TRIM24: variants seen among roughly 807,000 people sequenced by gnomAD.
TRIM24 encodes transcription intermediary factor 1-alpha.
Under a neutral mutation model 123.9 loss-of-function variants are expected in TRIM24, and 29 were observed. That is an observed-to-expected ratio of 0.23 (90% CI 0.17 to 0.32). The LOEUF (loss-of-function observed/expected upper bound fraction) is 0.32, where lower values mean the gene tolerates loss of function less well. Among genes scored for constraint, TRIM24 ranks in the 10% least tolerant of loss-of-function variants. TRIM24 has a pLI of 1.00. For missense variants in TRIM24, 932 were observed against 1,295.3 expected (o/e 0.72, Z 4.31); for synonymous variants, 456 against 461.1 (o/e 0.99, Z 0.14).
intron 1 of TRIM24, among the ~76,000 whole-genome samples, chr7:138,502,940 C>T (rs959885087): frequency 1.3e-5 from 2 of 151,934 alleles, no homozygotes; most frequent in African/African-American, 4.8e-5. Flanking sequence ...ATTTGTATTC[C>T]AAGATCACAA....
chr7:138,566,810 G>A (rs1415152190), intron 9 of TRIM24, among the ~76,000 whole-genome samples: 1 of 152,074 alleles, frequency 6.6e-6, no homozygotes, highest in Non-Finnish European at 1.5e-5. Context: ...AACTTACTAA[G>A]TGTTACTAAT....
At chr7:138,476,235 C>G (rs1038363770) in intron 1 of TRIM24, among the ~76,000 whole-genome samples, 3 of 152,180 alleles carry the variant, frequency 2.0e-5, no homozygotes, top group Admixed American at 1.3e-4. Flanking sequence ...AGAGAATATA[C>G]ATTTTTGTAA....
chr7:138,477,707 T>A (rs527823087), intron 1 of TRIM24, among the ~76,000 whole-genome samples: 2 of 152,180 alleles, frequency 1.3e-5, no homozygotes, highest in Admixed American at 6.5e-5. Flanking sequence ...TCAGGTTTCA[T>A]GTGAGGTAAA....
intron 1 of TRIM24, among the ~76,000 whole-genome samples, chr7:138,473,288 G>A (rs1563023106): frequency 6.6e-6 from 1 of 152,078 alleles, no homozygotes; most frequent in Admixed American, 6.6e-5. Flanking sequence ...TCAAAAAAAT[G>A]ATAATAATAA....
intron 1 of TRIM24, among the ~76,000 whole-genome samples, chr7:138,477,693 C>T (rs1368095985): frequency 6.6e-6 from 1 of 152,164 alleles, no homozygotes; most frequent in African/African-American, 2.4e-5. Flanking sequence ...TATTTTGAAA[C>T]TATTCAGGTT....
rs371442543 is a variant in TRIM24, at chr7:138,532,487, G to T, written c.996+3257G>T. 5.8e-4 allele frequency among the ~76,000 whole-genome samples: 89 copies of T among 152,272 alleles called. No individual in the cohort carries two copies. In the East Asian group the frequency reaches 0.017, roughly 29 times the overall value. On this transcript the variant is annotated intron_variant, in intron 6 of 18. Transcript: ENST00000343526. ...TTGAATAGGGAATCCTTTCCCCATT[G>T]CTTGTTTTTGTCAGGTTTGTCAAAG...
chr7:138,556,931 C>T (rs1258777435), intron 9 of TRIM24, among the ~76,000 whole-genome samples: 12 of 152,318 alleles, frequency 7.9e-5, no homozygotes, highest in Non-Finnish European at 1.0e-4. Context: ...GCACAAAACT[C>T]GTGGTACAGG....
At chr7:138,513,036 T>G (rs1051632639) in intron 2 of TRIM24, among the ~76,000 whole-genome samples, 1 of 152,172 alleles carries the variant, frequency 6.6e-6, no homozygotes, top group Non-Finnish European at 1.5e-5. Context: ...AAATAATCTC[T>G]CAGATTCAGA....
At position 138,497,357 on chromosome 7, in the gene TRIM24, C is replaced by T. The variant is rs549704816; in HGVS notation, c.365-6933C>T. Among the ~76,000 whole-genome samples the T allele has an allele frequency of 6.0e-5, 9 of 150,742 alleles. No homozygotes were observed. The East Asian group carries it at 9.7e-4, about 16-fold the overall frequency. Reference sequence around the variant, plus strand: ...TGCCAGTATTACAGGTGTGAGCCACCGCGCCTGGCCGATGGGAAGGTTTCA... The same window carrying T: ...TGCCAGTATTACAGGTGTGAGCCACTGCGCCTGGCCGATGGGAAGGTTTCA... On this transcript the variant is annotated intron_variant, in intron 1 of 18. Transcript: ENST00000343526.
intron 14 of TRIM24, among the ~76,000 whole-genome samples, chr7:138,578,563 T>TGCGTGCGCGC (rs1554445379): frequency 1.9e-4 from 28 of 145,088 alleles, no homozygotes; most frequent in Non-Finnish European, 3.5e-4. Context: ...TGTGTGTGTG[T>TGCGTGCGCGC]GCGCGCACGC....
At chr7:138,497,442 C>T (rs1056555238) in intron 1 of TRIM24, among the ~76,000 whole-genome samples, 1 of 145,806 alleles carries the variant, frequency 6.9e-6, no homozygotes, top group Non-Finnish European at 1.5e-5. Context: ...GCTCTGTCTC[C>T]CAGGCTGGAG....
In TRIM24 at chr7:138,580,811, A is replaced by AT. The variant is rs879618547; in HGVS notation, c.2718+126dup. The AT allele has an allele frequency of 2.6e-3, 2,600 of 984,112 alleles. 8 individuals carry two copies. The highest frequency in any genetic ancestry group is 0.017 in the African/African-American group (992 of 59,804). 61.0% of individuals were successfully genotyped at this position (984,112 alleles called of 1,614,324 possible). A position where few individuals can be genotyped will look rare whatever the true frequency, so the allele number is the denominator to read the frequency against. On this transcript the variant is annotated intron_variant, in intron 16 of 18. Coordinates refer to ENST00000343526, the MANE Select transcript of TRIM24 (RefSeq NM_015905.3). ...ATACTGATCCTTTTTATTTAAGAGT[A>AT]TTTTTTTTTGTTTACAAAGGTACAT...
At chr7:138,533,296 G>A (rs911358596) in intron 6 of TRIM24, among the ~76,000 whole-genome samples, 77 of 152,280 alleles carry the variant, frequency 5.1e-4, no homozygotes, top group African/African-American at 1.8e-3. Flanking sequence ...TCTTGTGCCA[G>A]TTTTCAAAGG....
At chr7:138,573,914 T>G (rs990371893) in intron 12 of TRIM24, among the ~76,000 whole-genome samples, 5 of 152,156 alleles carry the variant, frequency 3.3e-5, no homozygotes, top group African/African-American at 1.2e-4. Flanking sequence ...ATCTCCCACC[T>G]CAGCCTCCTG....
chr7:138,497,346 G>A (rs897321067), intron 1 of TRIM24, among the ~76,000 whole-genome samples: 1 of 150,458 alleles, frequency 6.6e-6, no homozygotes, highest in Non-Finnish European at 1.5e-5. Context: ...AGTATTACAG[G>A]TGTGAGCCAC....
chr7:138,514,001 A>C (rs1796342281), intron 2 of TRIM24, among the ~76,000 whole-genome samples: 1 of 152,224 alleles, frequency 6.6e-6, no homozygotes, highest in Non-Finnish European at 1.5e-5. Context: ...CACAGTGACA[A>C]TCAGGTGAGA....
intron 2 of TRIM24, among the ~76,000 whole-genome samples, chr7:138,505,504 G>GT (rs1199586825): frequency 1.1e-4 from 15 of 137,716 alleles, no homozygotes; most frequent in African/African-American, 1.7e-4. Context: ...TTTTTTGGGG[G>GT]TGGTGGTTGT....
intron 1 of TRIM24, among the ~76,000 whole-genome samples, chr7:138,464,666 A>G (rs1795094282): frequency 6.6e-6 from 1 of 151,944 alleles, no homozygotes; most frequent in South Asian, 2.1e-4. Flanking sequence ...AAATATATAT[A>G]CACACACACA....
At chr7:138,532,499 C>G (rs1259294841) in intron 6 of TRIM24, among the ~76,000 whole-genome samples, 1 of 152,136 alleles carries the variant, frequency 6.6e-6, no homozygotes, top group Non-Finnish European at 1.5e-5. Flanking sequence ...TTGTTTTTGT[C>G]AGGTTTGTCA....
Sources: allele counts gnomAD v4.1 joint callset (sites outside exome capture counted in the v4.1 genomes callset), GRCh38; gene constraint gnomAD v4.1.1; transcripts MANE v1.5; gene names NCBI Gene and HGNC (gene_info 2026-07-23, HGNC 2026-07-21).